DENND6A: variants seen among roughly 807,000 people sequenced by gnomAD.
DENND6A encodes DENN domain containing 6A.
A neutral mutation model predicts 95.5 loss-of-function variants in DENND6A; 43 were observed. The observed-to-expected ratio is 0.45, with a 90% CI of 0.35 to 0.58. The LOEUF (loss-of-function observed/expected upper bound fraction) is 0.58. DENND6A is among the 20% of genes least tolerant of loss of function. The pLI is 0.00. For synonymous variants in DENND6A, 257 were observed against 260.4 expected (o/e 0.99, Z 0.13); for missense variants, 574 against 736.0 (o/e 0.78, Z 2.55).
At chr3:57,679,589 T>C in intron 1 of DENND6A, 1 of 984,542 alleles carries the variant, frequency 1.0e-6, no homozygotes, top group Non-Finnish European at 1.2e-6. Flanking sequence ...AAAACCATGT[T>C]TTGGTCCTAA....
intron 15 of DENND6A, among the ~76,000 whole-genome samples, chr3:57,632,276 A>G (rs6777887): frequency 0.75 from 113,231 of 150,832 alleles, 44,449 homozygotes; most frequent in East Asian, 1. Context: ...TGCCCGCCTC[A>G]GTCTCCAAAA....
At chr3:57,629,668 C>A (rs1476271344) in intron 18 of DENND6A, among the ~76,000 whole-genome samples, 12 of 150,558 alleles carry the variant, frequency 8.0e-5, no homozygotes, top group African/African-American at 2.9e-4. Flanking sequence ...CCTGCCACCA[C>A]GCCCGGCTAA....
chr3:57,690,330 C>G (rs1480587891), intron 1 of DENND6A, among the ~76,000 whole-genome samples: 1 of 152,040 alleles, frequency 6.6e-6, no homozygotes, highest in Non-Finnish European at 1.5e-5. Context: ...ACGGTGAAAC[C>G]CCGTCTCTAT....
At position 57,650,443 on chromosome 3, in the gene DENND6A, C is replaced by CACACACAT. The variant is rs1384457882; in HGVS notation, c.819-4006_819-4005insATGTGTGT. ...ACATACACACACACACACACACACA[C>CACACACAT]ACATACATACACACACACACATCCT... On this transcript the variant is annotated intron_variant, in intron 9 of 19. Transcript: ENST00000311128. Among the ~76,000 whole-genome samples the CACACACAT allele has an allele frequency of 1.2e-3, 176 of 150,576 alleles. 2 individuals carry two copies. Among genetic ancestry groups the CACACACAT allele is most frequent in the Admixed American group, 0.011 (162 of 15,128 alleles).
intron 11 of DENND6A, among the ~76,000 whole-genome samples, chr3:57,642,138 C>T (rs531803606): frequency 2.6e-4 from 39 of 151,822 alleles, no homozygotes; most frequent in Non-Finnish European, 4.6e-4. Flanking sequence ...CATGGTGAAA[C>T]CCCATCTCTA....
In DENND6A at chr3:57,627,872, G is replaced by GCA. The variant is rs2070566992; in HGVS notation, c.*340_*341dup. ...AGTTTTAACATGATTGGGCAAAGCA[G>GCA]CACCAATTTAAAAAAATATCTGCAA... On this transcript the variant is annotated 3_prime_UTR_variant, in exon 20 of 20. Coordinates refer to ENST00000311128, the MANE Select transcript of DENND6A (RefSeq NM_152678.3). 4 of 186,432 alleles carry GCA rather than the reference G, an allele frequency of 2.1e-5. No homozygotes were observed. The highest frequency in any genetic ancestry group is 1.1e-4 in the Admixed American group (2 of 18,356). The allele number at this position is 186,432 out of a possible 1,614,324, so 11.5% of individuals were successfully genotyped here. A position where few individuals can be genotyped will look rare whatever the true frequency, so the allele number is the denominator to read the frequency against.
At chr3:57,692,138 G>T (rs1439376973) in intron 1 of DENND6A, among the ~76,000 whole-genome samples, 1 of 145,258 alleles carries the variant, frequency 6.9e-6, no homozygotes, top group Non-Finnish European at 1.5e-5. Flanking sequence ...TGAGGCAGGA[G>T]AATTGCCTGA....
chr3:57,688,241 G>A (rs142949320), intron 1 of DENND6A, among the ~76,000 whole-genome samples: 3,542 of 151,740 alleles, frequency 0.023, 132 homozygotes, highest in African/African-American at 0.081. Context: ...AGTGATCCAC[G>A]CGCCTCAGCC....
intron 9 of DENND6A, among the ~76,000 whole-genome samples, chr3:57,651,646 A>G (rs933785492): frequency 6.6e-6 from 1 of 152,110 alleles, no homozygotes; most frequent in Admixed American, 6.6e-5. Flanking sequence ...AAAAGGTTGA[A>G]TATTGTATGA....
chr3:57,641,976 C>G (rs529948598), intron 11 of DENND6A, among the ~76,000 whole-genome samples: 20 of 152,090 alleles, frequency 1.3e-4, no homozygotes, highest in African/African-American at 4.6e-4. Flanking sequence ...ATATACACAC[C>G]CAGTTATGAT....
At chr3:57,657,637 C>T (rs1158927297) in intron 9 of DENND6A, 43 bp downstream of exon 9, 1 of 1,333,604 alleles carries the variant, frequency 7.5e-7, no homozygotes. Context: ...ACCACCACCA[C>T]AAAGCAAAAG....
chr3:57,659,149 C>T lies in DENND6A; in HGVS notation c.731G>A (p.Gly244Glu). 6.2e-7 allele frequency: 1 copy of T among 1,613,842 alleles called. No homozygotes were observed. Among genetic ancestry groups the T allele is most frequent in the Admixed American group, 1.7e-5 (1 of 59,990 alleles). ...VRIPTCHDKP[G>E]TTQIVQLTQQ... is the part of the protein sequence containing the mutation. Reference sequence around the variant, plus strand: ...AGTTAACTGCACTATTTGAGTTGTCCCAGGCTTGTCATGACATGTGGGAAT... The same window carrying T: ...AGTTAACTGCACTATTTGAGTTGTCTCAGGCTTGTCATGACATGTGGGAAT... The change falls in exon 8 of 20, where the codon GGG (glycine) becomes GAG (glutamate). Residue 244 changes from glycine to glutamate, a missense_variant. By Grantham distance (98) the Gly-to-Glu change is moderately conservative (BLOSUM62 -2). This residue lies in a region of DENND6A where 452 missense variants were observed against 630.9 expected (regional missense o/e 0.72). Coordinates refer to ENST00000311128, the MANE Select transcript of DENND6A (RefSeq NM_152678.3).
chr3:57,666,062 G>A, intron 4 of DENND6A, 61 bp downstream of exon 4: 1 of 1,403,412 alleles, frequency 7.1e-7, no homozygotes, highest in Non-Finnish European at 1.0e-6. Flanking sequence ...AGCGGTAACT[G>A]AATAAATGAG....
At chr3:57,673,027 C>A (rs1336051124) in intron 1 of DENND6A, among the ~76,000 whole-genome samples, 2 of 151,280 alleles carry the variant, frequency 1.3e-5, no homozygotes, top group Non-Finnish European at 2.9e-5. Flanking sequence ...CCAGCCTGGT[C>A]AACATGATGA....
chr3:57,646,741 G>A (rs189469572), intron 9 of DENND6A, among the ~76,000 whole-genome samples: 6 of 152,180 alleles, frequency 3.9e-5, no homozygotes, highest in East Asian at 3.9e-4. Flanking sequence ...CCATATGATC[G>A]ATCTATTTTA....
At chr3:57,633,054 G>A (rs1298647176) in intron 15 of DENND6A, among the ~76,000 whole-genome samples, 2 of 152,146 alleles carry the variant, frequency 1.3e-5, no homozygotes, top group Admixed American at 6.6e-5. Flanking sequence ...AGAAAATTGA[G>A]GGTCAGAGAG....
At chr3:57,672,099 T>C (rs2071627586) in intron 3 of DENND6A, among the ~76,000 whole-genome samples, 157 bp downstream of exon 3, 1 of 152,204 alleles carries the variant, frequency 6.6e-6, no homozygotes, top group South Asian at 2.1e-4. Context: ...GCTACTAAAA[T>C]CAACGATGAC....
At position 57,661,433 on chromosome 3, in the gene DENND6A, AT is replaced by A. The variant is rs764271931; in HGVS notation, c.619+12del. On this transcript the variant is annotated intron_variant, in intron 6 of 19. Coordinates refer to ENST00000311128, the MANE Select transcript of DENND6A (RefSeq NM_152678.3). Reference sequence around the variant, plus strand: ...TTTTAAAACTCCTGCATAAAGGTATATGTTAAACTTACCTGCTTCCAAATAA... The same window carrying A: ...TTTTAAAACTCCTGCATAAAGGTATAGTTAAACTTACCTGCTTCCAAATAA... 17 of 1,545,560 alleles carry A rather than the reference AT, an allele frequency of 1.1e-5. No homozygotes were observed. Among genetic ancestry groups the A allele is most frequent in the African/African-American group, 1.4e-5 (1 of 70,826 alleles).
rs1291228730 is a variant in DENND6A, at chr3:57,659,119, T to C, written c.761A>G (p.Gln254Arg). ...GTTQIVQLTQ[Q>R]VDTNISVILP... ...CATTCTACCATAGTACCACACTACC[T>C]GCTGAGTTAACTGCACTATTTGAGT... Residue 254 changes from glutamine to arginine, a missense_variant and splice_region_variant, in exon 8 of 20, where the codon CAG becomes CGG. Transcript: ENST00000311128. The C allele has an allele frequency of 2.5e-6, 4 of 1,614,080 alleles. No individual in the cohort carries two copies. The highest frequency in any genetic ancestry group is 1.1e-5 in the South Asian group (1 of 91,084).
Sources: allele counts gnomAD v4.1 joint callset (sites outside exome capture counted in the v4.1 genomes callset), GRCh38; gene constraint gnomAD v4.1.1; regional missense constraint gnomAD v4.1.1; transcripts MANE v1.5; gene names NCBI Gene and HGNC (gene_info 2026-07-23, HGNC 2026-07-21).